TTC17: variants seen among roughly 807,000 people sequenced by gnomAD.
TTC17 encodes tetratricopeptide repeat protein 17.
A neutral mutation model predicts 143.8 loss-of-function variants in TTC17; 58 were observed. That is an observed-to-expected ratio of 0.40 (90% CI 0.33 to 0.50). The LOEUF is 0.50. Ranked by LOEUF, TTC17 falls within the 20% of genes least tolerant of loss-of-function variation. The pLI, the probability that TTC17 is intolerant of heterozygous loss-of-function variation, is 0.49. For synonymous variants in TTC17, 501 were observed against 497.8 expected (o/e 1.01, Z -0.09); for missense variants, 1,273 against 1,392.5 (o/e 0.91, Z 1.37).
At chr11:43,400,923 G>T (rs914472651) in intron 9 of TTC17, among the ~76,000 whole-genome samples, 1 of 152,124 alleles carries the variant, frequency 6.6e-6, no homozygotes, top group Non-Finnish European at 1.5e-5. Flanking sequence ...AAGTATGTTG[G>T]TCAAGAAAGC....
In TTC17 at chr11:43,494,427, A is replaced by G. The variant is rs1948524409; in HGVS notation, c.*523A>G. The G allele has an allele frequency of 6.6e-6, 1 of 152,260 alleles. No individual in the cohort carries two copies. Among genetic ancestry groups the G allele is most frequent in the African/African-American group, 2.4e-5 (1 of 41,398 alleles). The allele number at this position is 152,260 out of a possible 1,614,324, so 9.4% of individuals were successfully genotyped here. A position where few individuals can be genotyped will look rare whatever the true frequency, so the allele number is the denominator to read the frequency against. ...GTCCATTCCATGCTGCTGTGTTACAAACTCTCAGAGGTAGTTTGCAGGGGA... is the reference window on the plus strand; with the variant it reads ...GTCCATTCCATGCTGCTGTGTTACAGACTCTCAGAGGTAGTTTGCAGGGGA... On this transcript the variant is annotated 3_prime_UTR_variant, in exon 24 of 24. Coordinates refer to ENST00000039989, the MANE Select transcript of TTC17 (RefSeq NM_018259.6).
At chr11:43,371,870 A>G (rs1230569112) in intron 1 of TTC17, among the ~76,000 whole-genome samples, 1 of 152,194 alleles carries the variant, frequency 6.6e-6, no homozygotes, top group Admixed American at 6.5e-5. Flanking sequence ...ATATTTTACA[A>G]TATCACATAC....
chr11:43,441,240 C>T (rs556854627), intron 16 of TTC17, among the ~76,000 whole-genome samples: 17 of 150,718 alleles, frequency 1.1e-4, no homozygotes, highest in African/African-American at 3.4e-4. Flanking sequence ...CACTGCATTG[C>T]GCTCCAGCCT....
In TTC17 at chr11:43,463,505, G is replaced by A. The variant is rs549136787; in HGVS notation, c.3030+12240G>A. ...AGAATTTTAAAAGAAAATACCTTAGGCAATTTTTTTTTTAATCTCCAAAAT... is the reference window on the plus strand; with the variant it reads ...AGAATTTTAAAAGAAAATACCTTAGACAATTTTTTTTTTAATCTCCAAAAT... On this transcript the variant is annotated intron_variant, in intron 21 of 23. Transcript: ENST00000039989. 3.3e-5 allele frequency among the ~76,000 whole-genome samples: 5 copies of A among 151,156 alleles called. No homozygotes were observed. The East Asian group carries it at 9.7e-4, about 29-fold the overall frequency.
intron 21 of TTC17, 179 bp from the exon 22 acceptor site, chr11:43,490,060 C>T: frequency 2.8e-6 from 2 of 710,850 alleles, no homozygotes; most frequent in Non-Finnish European, 4.2e-6. Flanking sequence ...TAGTATCAAG[C>T]TCACAGGATT....
intron 21 of TTC17, among the ~76,000 whole-genome samples, chr11:43,463,966 A>G (rs914731623): frequency 6.6e-6 from 1 of 152,248 alleles, no homozygotes; most frequent in Non-Finnish European, 1.5e-5. Context: ...AATGCTAAAT[A>G]GGGGAAAAGA....
intron 16 of TTC17, among the ~76,000 whole-genome samples, chr11:43,426,123 G>T (rs954092560): frequency 2.0e-4 from 31 of 152,232 alleles, no homozygotes; most frequent in African/African-American, 7.5e-4. Context: ...CTGCACCTCT[G>T]TAATAATAAA....
At chr11:43,376,075 A>T (rs1159368309) in intron 1 of TTC17, among the ~76,000 whole-genome samples, 1 of 152,222 alleles carries the variant, frequency 6.6e-6, no homozygotes, top group African/African-American at 2.4e-5. Context: ...CTAATCTGAA[A>T]ATGCAGAATC....
At chr11:43,490,067 G>C (rs1337503112) in intron 21 of TTC17, 172 bp from the exon 22 acceptor site, 1 of 781,286 alleles carries the variant, frequency 1.3e-6, no homozygotes, top group African/African-American at 1.7e-5. Flanking sequence ...AAGCTCACAG[G>C]ATTGTTCTAA....
rs118148312 is a variant in TTC17, at chr11:43,429,599, A to G, written c.2252-13726A>G. On this transcript the variant is annotated intron_variant, in intron 16 of 23. Transcript: ENST00000039989. ...CTACCTCTTCTAAAAGACAGATTAT[A>G]TTTTACTAGAGATAAATATGAAATA... 1.4e-4 allele frequency among the ~76,000 whole-genome samples: 21 copies of G among 152,326 alleles called. No homozygotes were observed. In the East Asian group the frequency reaches 3.1e-3, roughly 22 times the overall value.
intron 21 of TTC17, among the ~76,000 whole-genome samples, chr11:43,460,612 C>T (rs1947847466): frequency 6.6e-6 from 1 of 152,226 alleles, no homozygotes; most frequent in Non-Finnish European, 1.5e-5. Context: ...AATTTACTAC[C>T]TTAAAACAAA....
Position 43,493,821 on chromosome 11 carries a change from C to T in TTC17, c.3343C>T (p.Gln1115Ter). The stretch of plus-strand genomic sequence containing the variant: ...GTGGTATGAATCCACATTGAAGCTT[C>T]AGCCCGAGTTTGTCCCAGCCAAGAA... The part of the protein sequence containing the change: ...LVWYESTLKL[Q>*]PEFVPAKNRI... Residue 1115 changes from glutamine (Q) to a stop codon, truncating the protein, a stop_gained, in exon 24 of 24, where the codon CAG (glutamine) becomes TAG (stop). Transcript: ENST00000039989. LOFTEE classifies it high-confidence loss of function. 1 of 1,614,076 alleles carries T rather than the reference C, an allele frequency of 6.2e-7. No individual in the cohort carries two copies. Among genetic ancestry groups the T allele is most frequent in the Admixed American group, 1.7e-5 (1 of 60,006 alleles).
intron 16 of TTC17, among the ~76,000 whole-genome samples, chr11:43,417,571 C>T (rs1047261703): frequency 6.6e-6 from 1 of 152,156 alleles, no homozygotes; most frequent in Non-Finnish European, 1.5e-5. Context: ...CATGGTGGCT[C>T]ATGCCTGTAA....
At chr11:43,387,738 TG>T (rs1187548034) in intron 2 of TTC17, among the ~76,000 whole-genome samples, 3 of 151,766 alleles carry the variant, frequency 2.0e-5, no homozygotes, top group Non-Finnish European at 4.4e-5. Context: ...AAGGGTCACA[TG>T]GGACTTATGT....
intron 21 of TTC17, among the ~76,000 whole-genome samples, chr11:43,461,264 G>A (rs1344478259): frequency 1.3e-5 from 2 of 151,722 alleles, no homozygotes; most frequent in Non-Finnish European, 3.0e-5. Context: ...GGCGCCTGTA[G>A]TCCCGGCTAC....
At chr11:43,377,518 T>G (rs1268009224) in intron 1 of TTC17, among the ~76,000 whole-genome samples, 2 of 152,158 alleles carry the variant, frequency 1.3e-5, no homozygotes, top group Admixed American at 1.3e-4. Flanking sequence ...TCAGAAAACA[T>G]GTATGTCAGG....
At chr11:43,396,860 C>T (rs1261083362) in intron 6 of TTC17, 42 bp downstream of exon 6, 1 of 1,286,840 alleles carries the variant, frequency 7.8e-7, no homozygotes, top group African/African-American at 1.5e-5. Context: ...CCACATTCCT[C>T]AGGACTGTTA....
intron 18 of TTC17, chr11:43,446,699 T>G (rs185905906): frequency 2.0e-6 from 2 of 984,110 alleles, no homozygotes; most frequent in East Asian, 2.3e-4. Context: ...ATTCCTATAA[T>G]ATAAAAAGCG....
chr11:43,387,804 A>G (rs1447917377), intron 2 of TTC17, among the ~76,000 whole-genome samples: 1 of 152,240 alleles, frequency 6.6e-6, no homozygotes, highest in Non-Finnish European at 1.5e-5. Flanking sequence ...AAAAACAGTG[A>G]TGTATCATGT....
Sources: allele counts gnomAD v4.1 joint callset (sites outside exome capture counted in the v4.1 genomes callset), GRCh38; gene constraint gnomAD v4.1.1; transcripts MANE v1.5; gene names NCBI Gene and HGNC (gene_info 2026-07-23, HGNC 2026-07-21).